ASPM: variants seen among roughly 807,000 people sequenced by gnomAD.
ASPM encodes the protein assembly factor for spindle microtubules, also known as abnormal spindle-like microcephaly-associated protein.
ASPM carries 256 observed loss-of-function variants against 366.4 expected under a neutral mutation model. The observed-to-expected ratio is 0.70, with a 90% CI of 0.63 to 0.77. The LOEUF is 0.77. ASPM is among the 30% of genes least tolerant of loss of function. The pLI is 0.00. For synonymous variants in ASPM, 1,414 were observed against 1,342.9 expected (o/e 1.05, Z -1.16); for missense variants, 4,146 against 4,090.4 (o/e 1.01, Z -0.37).
Position 197,133,381 on chromosome 1 carries a change from A to C in ASPM, c.2388T>G (p.Val796=). 1.2e-6 allele frequency: 2 copies of C among 1,614,002 alleles called. No homozygotes were observed. Among genetic ancestry groups the C allele is most frequent in the South Asian group, 2.2e-5 (2 of 91,050 alleles). Residue 796 remains valine (V), a synonymous_variant, in exon 6 of 28, where the codon GTT becomes GTG. Transcript: ENST00000367409. Reference sequence around the variant, plus strand: ...CTTTCCATAGGTGTCTATCTTTTCGAACAATTAACCGCCTAGCTTCAATTT... The same window carrying C: ...CTTTCCATAGGTGTCTATCTTTTCGCACAATTAACCGCCTAGCTTCAATTT... ...EIEIEARRLI[V]RKDRHLWKDV... is the part of the protein sequence containing the mutation.
At chr1:197,113,929 A>G (rs1381063747) in intron 17 of ASPM, among the ~76,000 whole-genome samples, 1 of 152,230 alleles carries the variant, frequency 6.6e-6, no homozygotes, top group Non-Finnish European at 1.5e-5. Flanking sequence ...AAAATTAAAA[A>G]GACAATTTCC....
Position 197,100,735 on chromosome 1 carries a change from G to C in ASPM, c.8516C>G (p.Ala2839Gly), listed in dbSNP as rs772079473. 6.2e-7 allele frequency: 1 copy of C among 1,612,454 alleles called. No homozygotes were observed. Among genetic ancestry groups the C allele is most frequent in the South Asian group, 1.1e-5 (1 of 91,060 alleles). ...VTRKLETQKCAALRIQFFLQM... is the reference protein window; with the variant it reads ...VTRKLETQKCGALRIQFFLQM... ...AAGGAAGAACTGAATCCGTAGGGCAGCACATTTCTGTGTTTCCAGTTTTCT... is the reference window on the plus strand; with the variant it reads ...AAGGAAGAACTGAATCCGTAGGGCACCACATTTCTGTGTTTCCAGTTTTCT... Residue 2839 changes from alanine to glycine, a missense_variant, in exon 18 of 28, where the codon GCT (alanine) becomes GGT (glycine). Coordinates refer to ENST00000367409, the MANE Select transcript of ASPM (RefSeq NM_018136.5).
chr1:197,130,071 A>G lies in ASPM; in HGVS notation c.2488-15T>C. The G allele has an allele frequency of 6.2e-7, 1 of 1,612,210 alleles. No individual in the cohort carries two copies. The highest frequency in any genetic ancestry group is 8.5e-7 in the Non-Finnish European group (1 of 1,178,896). On this transcript the variant is annotated splice_polypyrimidine_tract_variant and intron_variant, in intron 7 of 27. Transcript: ENST00000367409. ...CCATAAGTTGTCTGAAAATAAATTA[A>G]AGCCAAAGTCAGAATTATGCTATCT...
chr1:197,136,538 T>C (rs981054795), intron 4 of ASPM, among the ~76,000 whole-genome samples: 10 of 151,940 alleles, frequency 6.6e-5, no homozygotes, highest in Non-Finnish European at 1.2e-4. Context: ...TGGTATGTGA[T>C]TGAAGTTAAG....
intron 27 of ASPM, among the ~76,000 whole-genome samples, chr1:197,085,402 A>T (rs1263353890): frequency 6.6e-6 from 1 of 152,098 alleles, no homozygotes; most frequent in Non-Finnish European, 1.5e-5. Context: ...TCTCAAACTT[A>T]TTGAGAAAAT....
In ASPM at chr1:197,090,397, G is replaced by A. The variant is rs1656741593; in HGVS notation, c.9637-9C>T. ...TAGCCTCTCCATAATGCCTTAAAGA[G>A]ATAAAACAGAGTAATTTTAAGATTA... On this transcript the variant is annotated splice_polypyrimidine_tract_variant and intron_variant, in intron 23 of 27. Transcript: ENST00000367409. The A allele has an allele frequency of 1.3e-6, 2 of 1,584,170 alleles. No homozygotes were observed. The highest frequency in any genetic ancestry group is 1.7e-5 in the Admixed American group (1 of 58,862).
chr1:197,093,789 C>A (rs749937657), intron 20 of ASPM, among the ~76,000 whole-genome samples: 1 of 151,678 alleles, frequency 6.6e-6, no homozygotes, highest in East Asian at 1.9e-4. Flanking sequence ...TTGACAGAAA[C>A]CTTTAATTTA....
At chr1:197,135,823 C>A (rs1355458176) in intron 4 of ASPM, among the ~76,000 whole-genome samples, 1 of 151,922 alleles carries the variant, frequency 6.6e-6, no homozygotes, top group Non-Finnish European at 1.5e-5. Flanking sequence ...CATGGTGGCA[C>A]ATGCCTGTAG....
intron 1 of ASPM, among the ~76,000 whole-genome samples, chr1:197,145,689 A>G (rs1382877092): frequency 6.6e-6 from 1 of 152,132 alleles, no homozygotes; most frequent in Non-Finnish European, 1.5e-5. Flanking sequence ...ATTAATTTAG[A>G]ACGGCAAGGC....
Position 197,102,537 on chromosome 1 carries a change from T to C in ASPM, c.6714A>G (p.Lys2238=). The C allele has an allele frequency of 6.2e-7, 1 of 1,612,558 alleles. No individual in the cohort carries two copies. The highest frequency in any genetic ancestry group is 8.5e-7 in the Non-Finnish European group (1 of 1,179,216). The change falls in exon 18 of 28, where the codon AAA becomes AAG. Residue 2238 remains lysine, a synonymous_variant. Transcript: ENST00000367409. ...GAATGTATATTACAGAATGCCTCAGTTTGTTATACCTTTGAAATTGTATGT... is the reference window on the plus strand; with the variant it reads ...GAATGTATATTACAGAATGCCTCAGCTTGTTATACCTTTGAAATTGTATGT... The part of the protein sequence containing the change: ...ERNIQFQRYN[K]LRHSVIYIQA...
At chr1:197,107,237 C>CT (rs2125097811) in intron 17 of ASPM, among the ~76,000 whole-genome samples, 1 of 152,110 alleles carries the variant, frequency 6.6e-6, no homozygotes, top group South Asian at 2.1e-4. Context: ...CCACAGTAGG[C>CT]TATAGACTTT....
At chr1:197,144,191 A>G in intron 1 of ASPM, 91 bp from the exon 2 acceptor site, 1 of 907,172 alleles carries the variant, frequency 1.1e-6, no homozygotes. Context: ...AGTAGGGCTT[A>G]ATAATTGTTA....
At chr1:197,135,275 A>C in intron 4 of ASPM, 33 bp from the exon 5 acceptor site, 1 of 1,609,026 alleles carries the variant, frequency 6.2e-7, no homozygotes, top group East Asian at 2.2e-5. Flanking sequence ...GCATAACAAA[A>C]TTTCCTTTAA....
Position 197,142,661 on chromosome 1 carries a change from C to T in ASPM, c.1591G>A (p.Val531Ile), listed in dbSNP as rs2125113880. The T allele has an allele frequency of 6.2e-7, 1 of 1,612,640 alleles. No individual in the cohort carries two copies. Among genetic ancestry groups the T allele is most frequent in the South Asian group, 1.1e-5 (1 of 90,920 alleles). The change falls in exon 3 of 28, where the codon GTA (valine) becomes ATA (isoleucine). Residue 531 changes from valine (V) to isoleucine (I), a missense_variant. Val to Ile is a conservative substitution (Grantham distance 29). Transcript: ENST00000367409. ...LNSAVGEHEK[V>I]INNQKEKEDF... ...TCTTTTTCCTTTTGATTATTTATTACTTTTTCATGTTCACCCACTGCACTG... is the reference window on the plus strand; with the variant it reads ...TCTTTTTCCTTTTGATTATTTATTATTTTTTCATGTTCACCCACTGCACTG...
At chr1:197,128,245 G>GT (rs1658147813) in intron 10 of ASPM, among the ~76,000 whole-genome samples, 1 of 150,428 alleles carries the variant, frequency 6.6e-6, no homozygotes, top group African/African-American at 2.4e-5. Context: ...TGAGACATCA[G>GT]TAATTATTAT....
intron 1 of ASPM, among the ~76,000 whole-genome samples, chr1:197,145,904 T>A (rs1658761994): frequency 6.6e-6 from 1 of 151,976 alleles, no homozygotes; most frequent in Non-Finnish European, 1.5e-5. Context: ...CACACATGTG[T>A]ATGCGTCAAG....
chr1:197,086,914 G>C lies in ASPM; in HGVS notation c.10220C>G (p.Ala3407Gly), dbSNP rs565430593. 1.9e-6 allele frequency: 3 copies of C among 1,611,234 alleles called. No individual in the cohort carries two copies. Among genetic ancestry groups the C allele is most frequent in the Non-Finnish European group, 2.5e-6 (3 of 1,179,126 alleles). Residue 3407 changes from alanine to glycine, a missense_variant, in exon 27 of 28, where the codon GCT (alanine) becomes GGT (glycine). Around this residue, in one of 3 missense-constraint regions of ASPM, gnomAD observed 3,624 missense variants for 3,591.7 expected, o/e 1.01. Transcript: ENST00000367409. ...DRIYSLYKLT[A>G]HKHKMNTERI... ...TTCAGTATTCATTTTATGTTTATGA[G>C]CTGTAAGTTTGTAGAGACTGTAAAT...
In ASPM at chr1:197,121,982, C is replaced by T. The variant is rs1316929291; in HGVS notation, c.3803G>A (p.Arg1268Lys). 1 of 1,611,666 alleles carries T rather than the reference C, an allele frequency of 6.2e-7. No homozygotes were observed. The highest frequency in any genetic ancestry group is 1.7e-5 in the Admixed American group (1 of 59,894). Residue 1268 changes from arginine (R) to lysine (K), a missense_variant, in exon 16 of 28, where the codon AGA becomes AAA. This residue lies in a region of ASPM where 3,624 missense variants were observed against 3,591.7 expected (regional missense o/e 1.01). Coordinates refer to ENST00000367409, the MANE Select transcript of ASPM (RefSeq NM_018136.5). ...ARLLDLRKEI[R>K]AARLIQTTWR... ...TGTTGTTTGTATGAGTCGAGCAGCT[C>T]TTATTTCTTTACGAAGATCCAAAAG...
chr1:197,102,992 G>A lies in ASPM; in HGVS notation c.6259C>T (p.His2087Tyr), dbSNP rs1657249528. ...TTCTTCAAATTAAGATACTCCTTAT[G>A]CTGATGGTTTGTAATTTTAATACCT... The part of the protein sequence containing the change: ...YRGIKITNHQ[H>Y]KEYLNLKKTA... The change falls in exon 18 of 28, where the codon CAT becomes TAT. Residue 2087 changes from histidine to tyrosine, a missense_variant. His to Tyr is a moderately conservative substitution (Grantham distance 83). Transcript: ENST00000367409. 2 of 1,612,140 alleles carry A rather than the reference G, an allele frequency of 1.2e-6. No homozygotes were observed. The highest frequency in any genetic ancestry group is 1.1e-5 in the South Asian group (1 of 91,024).
Sources: allele counts gnomAD v4.1 joint callset (sites outside exome capture counted in the v4.1 genomes callset), GRCh38; gene constraint gnomAD v4.1.1; regional missense constraint gnomAD v4.1.1; transcripts MANE v1.5; gene names NCBI Gene and HGNC (gene_info 2026-07-23, HGNC 2026-07-21).